CEP112: variants seen among roughly 807,000 people sequenced by gnomAD.
CEP112 encodes the protein centrosomal protein 112.
Under a neutral mutation model 153.0 loss-of-function variants are expected in CEP112, and 127 were observed. The observed-to-expected ratio is 0.83, with a 90% confidence interval of 0.72 to 0.96. The LOEUF is 0.96. Among genes scored for constraint, CEP112 ranks in the 40% least tolerant of loss-of-function variants. The pLI is 0.00. For synonymous variants in CEP112, 358 were observed against 374.4 expected (o/e 0.96, Z 0.51); for missense variants, 1,089 against 1,101.2 (o/e 0.99, Z 0.16).
intron 20 of CEP112, among the ~76,000 whole-genome samples, chr17:65,870,018 A>AAAG (rs2058604163): frequency 2.6e-5 from 1 of 38,278 alleles, no homozygotes; most frequent in Admixed American, 3.1e-4. Flanking sequence ...AGAGAATAAG[A>AAAG]AAGAAAGAAA....
intron 17 of CEP112, among the ~76,000 whole-genome samples, chr17:66,002,910 G>A (rs574601941): frequency 6.6e-6 from 1 of 152,230 alleles, no homozygotes; most frequent in South Asian, 2.1e-4. Context: ...TTTGTTAATA[G>A]TCAAGGCAAA....
chr17:66,123,738 T>C (rs542461514), intron 6 of CEP112, among the ~76,000 whole-genome samples: 4 of 152,330 alleles, frequency 2.6e-5, no homozygotes, highest in African/African-American at 4.8e-5. Flanking sequence ...ATATGTTGTG[T>C]TGTCATTTTA....
At chr17:65,862,218 T>C (rs2146401595) in intron 20 of CEP112, among the ~76,000 whole-genome samples, 1 of 152,222 alleles carries the variant, frequency 6.6e-6, no homozygotes, top group African/African-American at 2.4e-5. Flanking sequence ...TTATGAATAA[T>C]GGTTAACTCT....
At chr17:65,879,196 G>A (rs1465538189) in intron 20 of CEP112, among the ~76,000 whole-genome samples, 2 of 152,168 alleles carry the variant, frequency 1.3e-5, no homozygotes, top group Admixed American at 6.5e-5. Context: ...CAAGGTAATC[G>A]TAATCATGAG....
intron 6 of CEP112, 23 bp from the exon 7 acceptor site, chr17:66,096,655 AAAT>A: frequency 6.9e-7 from 1 of 1,446,120 alleles, no homozygotes; most frequent in Non-Finnish European, 9.6e-7. Flanking sequence ...AAATAAAACA[AAAT>A]AAGGATTTAT....
At chr17:65,902,072 T>A in intron 20 of CEP112, 80 bp downstream of exon 20, 5 of 818,456 alleles carry the variant, frequency 6.1e-6, no homozygotes, top group Admixed American at 3.4e-5. Context: ...CGTGCATCAA[T>A]AAGAATAATA....
intron 24 of CEP112, among the ~76,000 whole-genome samples, chr17:65,679,475 G>T (rs906729687): frequency 6.6e-6 from 1 of 152,078 alleles, no homozygotes; most frequent in Non-Finnish European, 1.5e-5. Context: ...ATGAAACATA[G>T]CTTTGAGTTG....
At chr17:66,130,679 G>A (rs1173311734) in intron 5 of CEP112, among the ~76,000 whole-genome samples, 1 of 151,162 alleles carries the variant, frequency 6.6e-6, no homozygotes, top group Non-Finnish European at 1.5e-5. Context: ...GGGACGCTGA[G>A]GCAGGAGAAT....
intron 21 of CEP112, among the ~76,000 whole-genome samples, chr17:65,782,921 T>A (rs1310122238): frequency 1.3e-5 from 2 of 151,458 alleles, no homozygotes; most frequent in East Asian, 3.9e-4. Context: ...CATCACGCAA[T>A]ATACCCAGGT....
chr17:65,796,621 G>A lies in CEP112; in HGVS notation c.2395-45897C>T, dbSNP rs1029396914. 1.8e-4 allele frequency among the ~76,000 whole-genome samples: 28 copies of A among 152,072 alleles called. No homozygotes were observed. The South Asian group carries it at 5.6e-3, about 30-fold the overall frequency. On this transcript the variant is annotated intron_variant, in intron 21 of 26. Coordinates refer to ENST00000535342, the MANE Select transcript of CEP112 (RefSeq NM_001199165.4). ...GCTCTGATTGACCCTGACTCTAAAA[G>A]CAAAACAAAAACAAAAATGCCTCAA...
intron 26 of CEP112, among the ~76,000 whole-genome samples, chr17:65,636,370 A>G (rs899978109): frequency 1.3e-5 from 2 of 152,176 alleles, no homozygotes; most frequent in African/African-American, 4.8e-5. Flanking sequence ...TGAGTGCTGG[A>G]TCACTGAGCT....
At chr17:66,035,730 G>A (rs1274361162) in intron 12 of CEP112, among the ~76,000 whole-genome samples, 1 of 152,202 alleles carries the variant, frequency 6.6e-6, no homozygotes, top group East Asian at 1.9e-4. Flanking sequence ...TGGGACTAAT[G>A]TGCAGCTCTC....
At chr17:65,899,372 G>C (rs926474808) in intron 20 of CEP112, among the ~76,000 whole-genome samples, 11 of 151,962 alleles carry the variant, frequency 7.2e-5, no homozygotes. Context: ...GAAAATCAAA[G>C]TACTATAACA....
intron 23 of CEP112, among the ~76,000 whole-genome samples, chr17:65,719,838 G>A (rs2049763527): frequency 6.6e-6 from 1 of 152,240 alleles, no homozygotes; most frequent in Non-Finnish European, 1.5e-5. Context: ...GGGGCAGGCA[G>A]GGCAGCCTTG....
intron 6 of CEP112, among the ~76,000 whole-genome samples, chr17:66,123,335 A>G (rs229860): frequency 1 from 152,235 of 152,334 alleles, 76,069 homozygotes; most frequent in Middle Eastern, 1. Context: ...CTCCCAATAC[A>G]ATACTGTATC....
At chr17:66,026,119 C>T (rs1048137451) in intron 16 of CEP112, among the ~76,000 whole-genome samples, 5 of 151,726 alleles carry the variant, frequency 3.3e-5, no homozygotes, top group Non-Finnish European at 7.4e-5. Context: ...ATGACAGACA[C>T]TGAAGACTTG....
At chr17:66,159,785 C>G (rs2071615407) in intron 4 of CEP112, among the ~76,000 whole-genome samples, 1 of 152,076 alleles carries the variant, frequency 6.6e-6, no homozygotes, top group Non-Finnish European at 1.5e-5. Flanking sequence ...CCTTTGAAAA[C>G]CGGCATAAGA....
intron 21 of CEP112, among the ~76,000 whole-genome samples, chr17:65,830,963 T>C (rs945067007): frequency 1.3e-5 from 2 of 152,110 alleles, no homozygotes; most frequent in African/African-American, 4.8e-5. Context: ...GGGCAATGAG[T>C]TTGTTCCACT....
At chr17:65,811,040 G>A (rs1374945377) in intron 21 of CEP112, among the ~76,000 whole-genome samples, 2 of 152,324 alleles carry the variant, frequency 1.3e-5, no homozygotes, top group East Asian at 3.9e-4. Flanking sequence ...AGAATAGACG[G>A]AGATGAAATT....
Sources: allele counts gnomAD v4.1 joint callset (sites outside exome capture counted in the v4.1 genomes callset), GRCh38; gene constraint gnomAD v4.1.1; transcripts MANE v1.5; gene names NCBI Gene and HGNC (gene_info 2026-07-23, HGNC 2026-07-21).